RTN3: variants seen among roughly 807,000 people sequenced by gnomAD.
RTN3 encodes the protein reticulon-3.
Under a neutral mutation model 77.8 loss-of-function variants are expected in RTN3, and 49 were observed. The ratio of observed to expected loss-of-function variants is 0.63; its 90% CI spans 0.50 to 0.80. The LOEUF is 0.80. Ranked by LOEUF, RTN3 falls within the 30% of genes least tolerant of loss-of-function variation. RTN3 has a pLI of 0.00. For missense variants in RTN3, 1,236 were observed against 1,211.9 expected, an observed-to-expected ratio of 1.02 and a Z score of -0.29; for synonymous variants, 464 against 446.9, an observed-to-expected ratio of 1.04 and a Z score of -0.48.
intron 4 of RTN3, chr11:63,750,450 A>C (rs1248318946): frequency 2.2e-6 from 1 of 454,542 alleles, no homozygotes; most frequent in East Asian, 3.9e-5. Context: ...AGAAGACTCT[A>C]AATTCTTTTT....
intron 3 of RTN3, among the ~76,000 whole-genome samples, chr11:63,728,225 A>G (rs947277877): frequency 6.6e-6 from 1 of 152,208 alleles, no homozygotes; most frequent in African/African-American, 2.4e-5. Context: ...AGGATTCCCA[A>G]CCAAGGAAGC....
At chr11:63,693,932 C>T (rs1941797389) in intron 1 of RTN3, among the ~76,000 whole-genome samples, 1 of 152,020 alleles carries the variant, frequency 6.6e-6, no homozygotes, top group Admixed American at 6.6e-5. Context: ...AACCAGCCTG[C>T]ACAACATAAT....
intron 3 of RTN3, among the ~76,000 whole-genome samples, chr11:63,735,112 C>T (rs1019789977): frequency 2.0e-5 from 3 of 152,058 alleles, no homozygotes; most frequent in South Asian, 2.1e-4. Context: ...TTGTAACCTC[C>T]GCCTCTAGCT....
intron 3 of RTN3, among the ~76,000 whole-genome samples, chr11:63,737,120 C>G (rs985968518): frequency 1.3e-5 from 2 of 152,026 alleles, no homozygotes; most frequent in African/African-American, 4.8e-5. Context: ...GGGTATACGC[C>G]GCCATGCCCA....
At chr11:63,730,658 C>CAAA (rs995537733) in intron 3 of RTN3, among the ~76,000 whole-genome samples, 3 of 151,940 alleles carry the variant, frequency 2.0e-5, no homozygotes, top group Non-Finnish European at 4.4e-5. Context: ...CCCATCTCTA[C>CAAA]AAAAATTCAA....
intron 3 of RTN3, among the ~76,000 whole-genome samples, chr11:63,743,490 A>T (rs2013608736): frequency 6.6e-6 from 1 of 152,176 alleles, no homozygotes; most frequent in Non-Finnish European, 1.5e-5. Flanking sequence ...ATTCTTTAAA[A>T]TGGAGAATTA....
rs368041098 is a variant in RTN3, at chr11:63,749,996, G to A, written c.2536G>A (p.Asp846Asn). 14 of 1,612,684 alleles carry A rather than the reference G, an allele frequency of 8.7e-6. No individual in the cohort carries two copies. The highest frequency in any genetic ancestry group is 3.3e-5 in the Admixed American group (2 of 59,968). ...ATTCCCTTTTCTTTTGTCAGTGCAC[G>A]ATCTGATTTTCTGGAGAGATGTGAA... Reference protein sequence around the residue: ...ARLLTDFSVHDLIFWRDVKKT... With the variant: ...ARLLTDFSVHNLIFWRDVKKT... The change falls in exon 4 of 9, where the codon GAT (aspartate) becomes AAT (asparagine). Residue 846 changes from aspartate (D) to asparagine (N), a missense_variant. Physicochemically the swap from Asp to Asn is conservative, Grantham distance 23 (BLOSUM62 1). Around this residue, in one of 3 missense-constraint regions of RTN3, gnomAD observed 1,056 missense variants for 990.4 expected, o/e 1.07. Transcript: ENST00000377819.
chr11:63,725,635 G>A (rs2134938068), intron 3 of RTN3, among the ~76,000 whole-genome samples: 1 of 152,104 alleles, frequency 6.6e-6, no homozygotes, highest in East Asian at 1.9e-4. Context: ...TGTATTTTTA[G>A]TAGAGTCGGG....
chr11:63,724,308 G>A (rs1253700803), intron 3 of RTN3, among the ~76,000 whole-genome samples: 12 of 133,142 alleles, frequency 9.0e-5, no homozygotes, highest in South Asian at 5.1e-4. Flanking sequence ...TCAGCCTCCC[G>A]AGTAGCTGGG....
intron 1 of RTN3, among the ~76,000 whole-genome samples, chr11:63,700,449 T>A (rs1425147261): frequency 1.3e-5 from 2 of 151,258 alleles, no homozygotes; most frequent in East Asian, 2.0e-4. Flanking sequence ...CTAATTTTTT[T>A]TTTTTTTAAT....
At chr11:63,739,594 C>T (rs1434424596) in intron 3 of RTN3, among the ~76,000 whole-genome samples, 1 of 152,322 alleles carries the variant, frequency 6.6e-6, no homozygotes, top group African/African-American at 2.4e-5. Flanking sequence ...CTACCTGACA[C>T]ATAACCAGAA....
At chr11:63,711,108 C>T (rs1457377852) in intron 2 of RTN3, among the ~76,000 whole-genome samples, 1 of 151,980 alleles carries the variant, frequency 6.6e-6, no homozygotes, top group Non-Finnish European at 1.5e-5. Flanking sequence ...GGCAAAACCC[C>T]ATCTCCGCTA....
intron 2 of RTN3, among the ~76,000 whole-genome samples, chr11:63,708,641 G>T (rs1942607995): frequency 6.6e-6 from 1 of 152,176 alleles, no homozygotes; most frequent in Non-Finnish European, 1.5e-5. Flanking sequence ...ACTGCTTTGA[G>T]AATACAGCTA....
intron 1 of RTN3, among the ~76,000 whole-genome samples, chr11:63,683,971 T>G (rs1941210987): frequency 7.1e-6 from 1 of 141,836 alleles, no homozygotes; most frequent in East Asian, 2.0e-4. Flanking sequence ...TTTTTTTTTT[T>G]TAGACAAGGT....
In RTN3 at chr11:63,719,697, A is replaced by G; in HGVS notation, c.1195A>G (p.Thr399Ala). The change falls in exon 3 of 9, where the codon ACT becomes GCT. Residue 399 changes from threonine to alanine, a missense_variant. Around this residue, in one of 3 missense-constraint regions of RTN3, gnomAD observed 1,056 missense variants for 990.4 expected, o/e 1.07. Transcript: ENST00000377819. ...VCSIDGSTPI[T>A]KSTGDWAEAS... ...TTCTATTGATGGGAGCACTCCCATCACTAAATCAACAGGTGATTGGGCAGA... is the reference window on the plus strand; with the variant it reads ...TTCTATTGATGGGAGCACTCCCATCGCTAAATCAACAGGTGATTGGGCAGA... 6.2e-7 allele frequency: 1 copy of G among 1,614,178 alleles called. No homozygotes were observed. The highest frequency in any genetic ancestry group is 8.5e-7 in the Non-Finnish European group (1 of 1,180,036).
At chr11:63,756,203 G>GTCTC in intron 8 of RTN3, 33 bp downstream of exon 8, 1 of 1,459,406 alleles carries the variant, frequency 6.9e-7, no homozygotes, top group Non-Finnish European at 9.6e-7. Context: ...TCATCATGAG[G>GTCTC]TATGCTTCCT....
rs1469540221 is a variant in RTN3 at position 63,758,910 on chromosome 11, C to T, written c.*709C>T. ...TATCCCCAGGGAAGGAAAGGCTCCG[C>T]CATTTGGGAAAGTGGTTTCTACGTC... On this transcript the variant is annotated 3_prime_UTR_variant, in exon 9 of 9. Transcript: ENST00000377819. 1 of 152,364 alleles carries T rather than the reference C, an allele frequency of 6.6e-6. No individual in the cohort carries two copies. The highest frequency in any genetic ancestry group is 1.5e-5 in the Non-Finnish European group (1 of 68,172). 9.4% of individuals were successfully genotyped at this position (152,364 alleles called of 1,614,324 possible).
At chr11:63,704,513 C>T (rs1053755518) in intron 1 of RTN3, among the ~76,000 whole-genome samples, 2 of 152,036 alleles carry the variant, frequency 1.3e-5, no homozygotes, top group African/African-American at 4.8e-5. Context: ...CTTATTTTCC[C>T]CTTCCCACAC....
Position 63,719,533 on chromosome 11 carries a change from T to C in RTN3, c.1031T>C (p.Leu344Pro), listed in dbSNP as rs1177825585. The C allele has an allele frequency of 6.2e-7, 1 of 1,614,082 alleles. No homozygotes were observed. The highest frequency in any genetic ancestry group is 8.5e-7 in the Non-Finnish European group (1 of 1,180,026). ...ACTAACGAAATACTGACTTGGGATC[T>C]GGTTCCCCAAGTGAAACAACAGACC... ...NFTNEILTWD[L>P]VPQVKQQTDK... Residue 344 changes from leucine to proline, a missense_variant, in exon 3 of 9, where the codon CTG becomes CCG. By Grantham distance (98) the Leu-to-Pro change is moderately conservative (BLOSUM62 -3). This residue lies in a region of RTN3 where 1,056 missense variants were observed against 990.4 expected (regional missense o/e 1.07). Transcript: ENST00000377819.
Sources: gnomAD v4.1 joint callset for allele counts (sites outside exome capture counted in the v4.1 genomes callset) on GRCh38, gnomAD v4.1.1 for gene constraint, gnomAD v4.1.1 regional missense constraint, MANE v1.5 for transcripts, NCBI Gene and HGNC (gene_info 2026-07-23, HGNC 2026-07-21) for gene names.